Variants in AUTS2 observed in about 807,000 individuals in gnomAD.
AUTS2 encodes activator of transcription and developmental regulator AUTS2.
In AUTS2, 17 loss-of-function variants were observed where a neutral mutation model predicts 112.4. The ratio of observed to expected loss-of-function variants is 0.15; its 90% CI spans 0.10 to 0.23. AUTS2 has a LOEUF of 0.23. AUTS2 is among the 10% of genes least tolerant of loss of function. The pLI is 1.00. For missense variants in AUTS2, 1,510 were observed against 1,701.6 expected (o/e 0.89, Z 1.98); for synonymous variants, 751 against 702.7 (o/e 1.07, Z -1.09).
intron 1 of AUTS2, among the ~76,000 whole-genome samples, chr7:69,765,705 C>T (rs914813972): frequency 5.3e-5 from 8 of 152,168 alleles, no homozygotes; most frequent in Admixed American, 2.0e-4. Flanking sequence ...TTTGGGAGTC[C>T]GAAGCGGGAG....
chr7:70,775,376 C>G lies in AUTS2; in HGVS notation c.1922C>G (p.Pro641Arg), dbSNP rs763960642. Residue 641 changes from proline to arginine, a missense_variant, in exon 13 of 19, where the codon CCT (proline) becomes CGT (arginine). By Grantham distance (103) the Pro-to-Arg change is moderately radical. Around this residue, in one of 3 missense-constraint regions of AUTS2, gnomAD observed 187 missense variants for 309.7 expected, o/e 0.60. Coordinates refer to ENST00000342771, the MANE Select transcript of AUTS2 (RefSeq NM_015570.4). ...KDPRLTDPFR[P>R]MLRKPGKWCA... ...TCACAGTTGACAGATCCTTTCAGAC[C>G]TATGTTAAGGGTAAGAAAGCTTCTT... is the stretch of plus-strand genomic sequence containing the variant. 1 of 1,612,698 alleles carries G rather than the reference C, an allele frequency of 6.2e-7. No individual in the cohort carries two copies. The highest frequency in any genetic ancestry group is 1.7e-5 in the Admixed American group (1 of 59,826).
At chr7:69,891,223 A>G (rs1027062260) in intron 1 of AUTS2, among the ~76,000 whole-genome samples, 1 of 152,154 alleles carries the variant, frequency 6.6e-6, no homozygotes, top group Non-Finnish European at 1.5e-5. Context: ...TATAAATGGG[A>G]TCATACATAA....
At chr7:70,403,295 G>C (rs1794402146) in intron 4 of AUTS2, among the ~76,000 whole-genome samples, 1 of 152,192 alleles carries the variant, frequency 6.6e-6, no homozygotes, top group South Asian at 2.1e-4. Context: ...CCCTACCCTG[G>C]GCAAAGATGC....
intron 4 of AUTS2, among the ~76,000 whole-genome samples, chr7:70,187,920 T>G (rs552359779): frequency 6.6e-6 from 1 of 152,280 alleles, no homozygotes; most frequent in South Asian, 2.1e-4. Context: ...GGGCAATCGT[T>G]GCCTCTGCCA....
chr7:70,044,556 G>A (rs985835498), intron 2 of AUTS2, among the ~76,000 whole-genome samples: 48 of 152,088 alleles, frequency 3.2e-4, no homozygotes, highest in Admixed American at 1.2e-3. Context: ...TCTTAAGTGG[G>A]AGAAAAAATC....
intron 2 of AUTS2, among the ~76,000 whole-genome samples, chr7:69,941,105 A>G (rs1796609778): frequency 6.6e-6 from 1 of 152,196 alleles, no homozygotes; most frequent in African/African-American, 2.4e-5. Context: ...CATTTGTTGT[A>G]GAGGGTTATA....
intron 6 of AUTS2, among the ~76,000 whole-genome samples, chr7:70,705,639 C>CCT (rs1312613196): frequency 1.3e-5 from 2 of 152,192 alleles, no homozygotes; most frequent in Non-Finnish European, 2.9e-5. Flanking sequence ...CCCTTCGCCT[C>CCT]CTCCACCCCA....
intron 1 of AUTS2, among the ~76,000 whole-genome samples, chr7:69,837,719 G>A (rs77210121): frequency 6.6e-6 from 1 of 152,136 alleles, no homozygotes; most frequent in Admixed American, 6.5e-5. Flanking sequence ...GGACCACATG[G>A]TGTATTTTAA....
intron 5 of AUTS2, among the ~76,000 whole-genome samples, chr7:70,656,957 C>T (rs1353753895): frequency 2.0e-5 from 3 of 152,180 alleles, no homozygotes; most frequent in African/African-American, 7.2e-5. Flanking sequence ...AATCCCAGAA[C>T]AACCCCAGCA....
At chr7:70,489,281 T>C (rs1379960475) in intron 5 of AUTS2, among the ~76,000 whole-genome samples, 3 of 152,258 alleles carry the variant, frequency 2.0e-5, no homozygotes, top group East Asian at 3.8e-4. Flanking sequence ...ATGAATGTCA[T>C]GGATTAACAA....
intron 5 of AUTS2, among the ~76,000 whole-genome samples, chr7:70,633,040 G>T (rs568294628): frequency 7.2e-5 from 11 of 152,328 alleles, no homozygotes; most frequent in African/African-American, 2.6e-4. Context: ...TTCGCATGGG[G>T]CGAGGGCTCT....
At chr7:70,275,606 C>A (rs769869748) in intron 4 of AUTS2, among the ~76,000 whole-genome samples, 1 of 152,116 alleles carries the variant, frequency 6.6e-6, no homozygotes, top group Non-Finnish European at 1.5e-5. Flanking sequence ...GGCTCTGTCC[C>A]CACCCAAGTC....
intron 1 of AUTS2, among the ~76,000 whole-genome samples, chr7:69,819,988 G>A (rs963965812): frequency 5.9e-5 from 9 of 152,184 alleles, no homozygotes; most frequent in South Asian, 2.1e-4. Context: ...TTTATCAAAG[G>A]AGACTGTTCT....
chr7:70,639,562 A>G (rs1385292130), intron 5 of AUTS2, among the ~76,000 whole-genome samples: 1 of 140,122 alleles, frequency 7.1e-6, no homozygotes, highest in Non-Finnish European at 1.5e-5. Flanking sequence ...GGCTGCAGTG[A>G]GCTATGATTA....
intron 16 of AUTS2, among the ~76,000 whole-genome samples, chr7:70,785,256 T>C (rs1791371853): frequency 6.6e-6 from 1 of 152,244 alleles, no homozygotes; most frequent in Non-Finnish European, 1.5e-5. Flanking sequence ...TGGTTCTGCC[T>C]GAACTTCCCA....
intron 5 of AUTS2, among the ~76,000 whole-genome samples, chr7:70,612,490 C>A (rs997424758): frequency 6.6e-6 from 1 of 151,830 alleles, no homozygotes; most frequent in Non-Finnish European, 1.5e-5. Flanking sequence ...GAGTATTTTA[C>A]CACCGGATGT....
intron 1 of AUTS2, among the ~76,000 whole-genome samples, chr7:69,895,110 G>A (rs762979801): frequency 2.6e-5 from 4 of 152,144 alleles, no homozygotes; most frequent in Non-Finnish European, 5.9e-5. Context: ...GAAAGCATTG[G>A]TGGGTGTATA....
intron 5 of AUTS2, among the ~76,000 whole-genome samples, chr7:70,514,274 G>T (rs1799324025): frequency 2.0e-5 from 3 of 152,286 alleles, no homozygotes; most frequent in East Asian, 1.9e-4. Context: ...GATTAGGTTT[G>T]CTGGGTGTGT....
At chr7:70,308,423 TCTACTC>T (rs1450987340) in intron 4 of AUTS2, among the ~76,000 whole-genome samples, 5 of 152,318 alleles carry the variant, frequency 3.3e-5, no homozygotes, top group East Asian at 1.9e-4. Flanking sequence ...TTAGATCACT[TCTACTC>T]CTATGATGTC....
Sources: gnomAD v4.1 joint callset for allele counts (sites outside exome capture counted in the v4.1 genomes callset) on GRCh38, gnomAD v4.1.1 for gene constraint, gnomAD v4.1.1 regional missense constraint, MANE v1.5 for transcripts, NCBI Gene and HGNC (gene_info 2026-07-23, HGNC 2026-07-21) for gene names.